Variants in SLC16A7 observed in about 807,000 individuals in gnomAD.
SLC16A7 encodes monocarboxylate transporter 2.
Under a neutral mutation model 34.9 loss-of-function variants are expected in SLC16A7, and 33 were observed. That is an observed-to-expected ratio of 0.94 (90% CI 0.72 to 1.26). The LOEUF (loss-of-function observed/expected upper bound fraction) is 1.26. SLC16A7 is among the 50% of genes most tolerant of loss of function. The pLI is 0.00. For missense variants in SLC16A7, 573 were observed against 578.1 expected (o/e 0.99, Z 0.09); for synonymous variants, 201 against 206.6 (o/e 0.97, Z 0.23).
chr12:59,622,914 A>C (rs933863266), intron 1 of SLC16A7, among the ~76,000 whole-genome samples: 1 of 151,504 alleles, frequency 6.6e-6, no homozygotes, highest in East Asian at 1.9e-4. Flanking sequence ...TTTTTCATCT[A>C]TGGTGATCCA....
chr12:59,788,951 G>C lies in SLC16A7; in HGVS notation c.*9272G>C, dbSNP rs1472584323. ...GTTCTTGCCTTTCAGGTATACTACA[G>C]CGTTATATGAACATAATGTTTTAAA... On this transcript the variant is annotated 3_prime_UTR_variant, in exon 6 of 6. Transcript: ENST00000547379. 6.6e-6 allele frequency: 1 copy of C among 151,924 alleles called. No individual in the cohort carries two copies. The highest frequency in any genetic ancestry group is 1.9e-4 in the East Asian group (1 of 5,192). 9.4% of individuals were successfully genotyped at this position (151,924 alleles called of 1,614,324 possible). A position where few individuals can be genotyped will look rare whatever the true frequency, so the allele number is the denominator to read the frequency against.
chr12:59,675,852 C>CATATTA (rs1870267310), intron 2 of SLC16A7, among the ~76,000 whole-genome samples: 1 of 152,064 alleles, frequency 6.6e-6, no homozygotes, highest in South Asian at 2.1e-4. Flanking sequence ...CATGCACTTA[C>CATATTA]ATATTAAGTA....
In SLC16A7 at chr12:59,771,340, C is replaced by G; in HGVS notation, c.339C>G (p.Tyr113Ter). The change falls in exon 4 of 6, where the codon TAC (tyrosine) becomes TAG (stop). Residue 113 changes from tyrosine to a stop codon, truncating the protein, a stop_gained. Transcript: ENST00000547379. LOFTEE classifies it high-confidence loss of function. Reference sequence around the variant, plus strand: ...TTAGTAGCAGCGTGGTACAGCTGTACCTCACTATGGGATTCATTACAGGTA... The same window carrying G: ...TTAGTAGCAGCGTGGTACAGCTGTAGCTCACTATGGGATTCATTACAGGTA... ...ASFSSSVVQL[Y>*]LTMGFITGLG... 2 of 1,609,318 alleles carry G rather than the reference C, an allele frequency of 1.2e-6. No individual in the cohort carries two copies. Among genetic ancestry groups the G allele is most frequent in the South Asian group, 2.2e-5 (2 of 90,592 alleles).
chr12:59,761,401 C>T (rs1488335553), intron 3 of SLC16A7, among the ~76,000 whole-genome samples: 1 of 152,010 alleles, frequency 6.6e-6, no homozygotes, highest in Non-Finnish European at 1.5e-5. Flanking sequence ...AATCTCAATG[C>T]ATTTATATGA....
At chr12:59,644,364 C>T (rs974837662) in intron 1 of SLC16A7, among the ~76,000 whole-genome samples, 6 of 151,808 alleles carry the variant, frequency 4.0e-5, no homozygotes, top group African/African-American at 1.5e-4. Flanking sequence ...GTCAGGAGTT[C>T]GAGACCAGCC....
At chr12:59,679,814 T>C (rs1870604479) in intron 2 of SLC16A7, among the ~76,000 whole-genome samples, 2 of 152,180 alleles carry the variant, frequency 1.3e-5, no homozygotes, top group Admixed American at 1.3e-4. Flanking sequence ...TTTACCTTGA[T>C]TTAATCATAA....
At chr12:59,599,772 A>G (rs901148108) in intron 1 of SLC16A7, among the ~76,000 whole-genome samples, 3 of 152,196 alleles carry the variant, frequency 2.0e-5, no homozygotes, top group African/African-American at 7.2e-5. Flanking sequence ...TGTTTTCCAC[A>G]TCTTGAAGTA....
intron 3 of SLC16A7, among the ~76,000 whole-genome samples, chr12:59,748,036 C>T (rs960818031): frequency 2.6e-5 from 4 of 152,064 alleles, no homozygotes; most frequent in African/African-American, 9.7e-5. Context: ...AACCCCATCT[C>T]TACTAAAAAT....
At chr12:59,688,259 A>T (rs1213926439) in intron 2 of SLC16A7, among the ~76,000 whole-genome samples, 1 of 152,046 alleles carries the variant, frequency 6.6e-6, no homozygotes, top group African/African-American at 2.4e-5. Context: ...AGTGACCACG[A>T]GGAAAGCCAT....
chr12:59,714,532 A>G (rs903696983), intron 3 of SLC16A7, among the ~76,000 whole-genome samples: 3 of 149,352 alleles, frequency 2.0e-5, no homozygotes, highest in Admixed American at 2.0e-4. Context: ...TTGCATGTGC[A>G]CCCACCCCTG....
intron 3 of SLC16A7, among the ~76,000 whole-genome samples, chr12:59,754,603 T>C (rs971358611): frequency 6.6e-5 from 10 of 152,190 alleles, no homozygotes; most frequent in African/African-American, 2.2e-4. Context: ...TCTGAAATTG[T>C]GGCAATAATC....
intron 2 of SLC16A7, among the ~76,000 whole-genome samples, chr12:59,673,908 C>T (rs1212384322): frequency 2.0e-5 from 3 of 152,030 alleles, no homozygotes; most frequent in Admixed American, 1.3e-4. Flanking sequence ...GATTTTTTTA[C>T]TCTTTCCTTG....
Position 59,787,756 on chromosome 12 carries a change from AC to A in SLC16A7, c.*8078del, listed in dbSNP as rs1054556090. ...GGTGGGCCCTAAAAACATCTGTAGT[AC>A]GTGATGTGTTTGGTTAGATTCAGCC... On this transcript the variant is annotated 3_prime_UTR_variant, in exon 6 of 6. Transcript: ENST00000547379. The A allele has an allele frequency of 7.2e-5, 11 of 152,190 alleles. No individual in the cohort carries two copies. Among genetic ancestry groups the A allele is most frequent in the Non-Finnish European group, 1.6e-4 (11 of 68,022 alleles). The allele number at this position is 152,190 out of a possible 1,614,324, so 9.4% of individuals were successfully genotyped here.
chr12:59,736,445 G>T (rs892091059), intron 3 of SLC16A7, among the ~76,000 whole-genome samples: 1 of 152,130 alleles, frequency 6.6e-6, no homozygotes, highest in Non-Finnish European at 1.5e-5. Context: ...AGCCACTAAG[G>T]TCCATTGTAG....
At position 59,716,899 on chromosome 12, in the gene SLC16A7, A is replaced by G. The variant is rs146141882; in HGVS notation, c.217+11881A>G. 4.9e-3 allele frequency among the ~76,000 whole-genome samples: 742 copies of G among 152,324 alleles called. 4 individuals carry two copies. The highest frequency in any genetic ancestry group is 0.021 in the South Asian group (100 of 4,828). On this transcript the variant is annotated intron_variant, in intron 3 of 5. Transcript: ENST00000547379. ...AATTATCTATAAATCAAAAGCATTT[A>G]AAGTATCTTTTTGGTTCTATTAGGA...
intron 3 of SLC16A7, among the ~76,000 whole-genome samples, chr12:59,721,996 C>T (rs1875659512): frequency 6.6e-6 from 1 of 151,830 alleles, no homozygotes; most frequent in South Asian, 2.1e-4. Flanking sequence ...CCATAAATGA[C>T]CTTGCACCTT....
At chr12:59,705,245 A>G (rs557220974) in intron 3 of SLC16A7, among the ~76,000 whole-genome samples, 2 of 152,206 alleles carry the variant, frequency 1.3e-5, no homozygotes, top group Non-Finnish European at 2.9e-5. Context: ...TTTGAATAAG[A>G]ATTTGTAAGC....
chr12:59,605,553 C>G (rs1878897566), intron 1 of SLC16A7, among the ~76,000 whole-genome samples: 1 of 152,200 alleles, frequency 6.6e-6, no homozygotes, highest in Non-Finnish European at 1.5e-5. Context: ...GCATAGAATG[C>G]AGTACTTTAA....
chr12:59,738,443 A>G (rs1265671458), intron 3 of SLC16A7, among the ~76,000 whole-genome samples: 1 of 152,208 alleles, frequency 6.6e-6, no homozygotes, highest in African/African-American at 2.4e-5. Flanking sequence ...ACCAATAACA[A>G]GATGCAGATG....
Sources: gnomAD v4.1 joint callset for allele counts (sites outside exome capture counted in the v4.1 genomes callset) on GRCh38, gnomAD v4.1.1 for gene constraint, MANE v1.5 for transcripts, NCBI Gene and HGNC (gene_info 2026-07-23, HGNC 2026-07-21) for gene names.